TOP6BL: variants seen among roughly 807,000 people sequenced by gnomAD.
The protein encoded by TOP6BL is type 2 DNA topoisomerase 6 subunit B-like.
At chr11:66,761,683 C>T in the TOP6BL span, 25 of 954,924 alleles carry the variant, frequency 2.6e-5, no homozygotes, top group South Asian at 3.5e-4. Context: ...TGTTGTCCAC[C>T]CCTTGGTCCG....
At chr11:66,837,088 T>C in the TOP6BL span, among the ~76,000 whole-genome samples, 1 of 152,124 alleles carries the variant, frequency 6.6e-6, no homozygotes, top group African/African-American at 2.4e-5. Context: ...TTCTTGTGGA[T>C]TGACTTTTCA....
chr11:66,770,565 G>A, the TOP6BL span, among the ~76,000 whole-genome samples: 3 of 152,010 alleles, frequency 2.0e-5, no homozygotes, highest in Non-Finnish European at 4.4e-5. Context: ...TTAGCTAGGC[G>A]TGGTGGCCGG....
At chr11:66,842,833 CTTGT>C in the TOP6BL span, 13 of 1,545,864 alleles carry the variant, frequency 8.4e-6, no homozygotes, top group Non-Finnish European at 8.7e-6. Flanking sequence ...GATGAAGAGG[CTTGT>C]TTTTCTCCTA....
the TOP6BL span, chr11:66,758,302 C>CTTTTTTTTTTTTTTTTTTTCTTTTTTTT: frequency 1.5e-5 from 1 of 67,318 alleles, no homozygotes; most frequent in Non-Finnish European, 2.5e-5. Flanking sequence ...TTTTCTTTTT[C>CTTTTTTTTTTTTTTTTTTTCTTTTTTTT]TTTTTTTTTT....
the TOP6BL span, among the ~76,000 whole-genome samples, chr11:66,823,468 C>T: frequency 5.3e-5 from 8 of 152,244 alleles, no homozygotes; most frequent in African/African-American, 1.9e-4. Context: ...TACCATTTTA[C>T]AAATGAGAAA....
chr11:66,838,299 C>A, the TOP6BL span: 1 of 1,405,058 alleles, frequency 7.1e-7, no homozygotes, highest in Non-Finnish European at 1.0e-6. Flanking sequence ...CCACCAGGCA[C>A]ACTCCTGTTT....
the TOP6BL span, chr11:66,828,677 A>G: frequency 1.5e-4 from 30 of 196,754 alleles, no homozygotes; most frequent in African/African-American, 6.7e-4. Flanking sequence ...GGATAATTTC[A>G]TCTTTAATTT....
At chr11:66,803,104 A>G in the TOP6BL span, among the ~76,000 whole-genome samples, 1 of 152,162 alleles carries the variant, frequency 6.6e-6, no homozygotes, top group Non-Finnish European at 1.5e-5. Flanking sequence ...GTTACTATCA[A>G]ACAGCAACCT....
the TOP6BL span, chr11:66,759,191 C>A: frequency 1.2e-6 from 1 of 830,502 alleles, no homozygotes; most frequent in Non-Finnish European, 1.8e-6. Flanking sequence ...AAAGAGCTGA[C>A]AGATTTATAA....
the TOP6BL span, among the ~76,000 whole-genome samples, chr11:66,772,579 G>A: frequency 6.6e-5 from 10 of 152,210 alleles, no homozygotes; most frequent in South Asian, 2.1e-4. Context: ...GACCAGCCTC[G>A]CCAACATGGC....
chr11:66,796,612 T>G, the TOP6BL span, among the ~76,000 whole-genome samples: 9 of 151,878 alleles, frequency 5.9e-5, no homozygotes, highest in Non-Finnish European at 1.0e-4. Flanking sequence ...AGACTCTGTC[T>G]CTACAAAAAA....
chr11:66,840,288 A>G, the TOP6BL span, among the ~76,000 whole-genome samples: 1 of 152,074 alleles, frequency 6.6e-6, no homozygotes, highest in Non-Finnish European at 1.5e-5. Flanking sequence ...AAATCTACCC[A>G]GTCTCTGCCT....
At chr11:66,796,813 A>G in the TOP6BL span, among the ~76,000 whole-genome samples, 15 of 150,186 alleles carry the variant, frequency 1.0e-4, no homozygotes, top group African/African-American at 2.7e-4. Flanking sequence ...GACAACTTTC[A>G]ACTTTCAATA....
chr11:66,813,996 G>A, the TOP6BL span: 6 of 1,613,498 alleles, frequency 3.7e-6, no homozygotes, highest in South Asian at 6.6e-5. Context: ...TACCCAATTT[G>A]GATCTCAATT....
the TOP6BL span, chr11:66,839,299 A>G: frequency 2.4e-6 from 1 of 419,156 alleles, no homozygotes; most frequent in Non-Finnish European, 4.8e-6. Flanking sequence ...CTCATTTTGC[A>G]TATGAGGAAA....
the TOP6BL span, among the ~76,000 whole-genome samples, chr11:66,787,163 ACCTCAGGTGAT>A: frequency 6.6e-6 from 1 of 151,568 alleles, no homozygotes; most frequent in Admixed American, 6.6e-5. Flanking sequence ...CGAACTCCTG[ACCTCAGGTGAT>A]CCACCCACCT....
the TOP6BL span, among the ~76,000 whole-genome samples, chr11:66,779,207 A>G: frequency 2.0e-5 from 3 of 152,194 alleles, no homozygotes; most frequent in Admixed American, 2.0e-4. Flanking sequence ...AAAAGAAACA[A>G]CCATCAGAGT....
chr11:66,801,819 G>A, the TOP6BL span, among the ~76,000 whole-genome samples: 1 of 152,076 alleles, frequency 6.6e-6, no homozygotes, highest in South Asian at 2.1e-4. Flanking sequence ...GACAGAGCAA[G>A]ACTCTGTCTC....
chr11:66,797,211 G>T, the TOP6BL span, among the ~76,000 whole-genome samples: 1 of 151,730 alleles, frequency 6.6e-6, no homozygotes, highest in African/African-American at 2.4e-5. Context: ...TGTTGGCCAG[G>T]CTGGTCTCAA....
Sources: allele counts gnomAD v4.1 joint callset (sites outside exome capture counted in the v4.1 genomes callset), GRCh38; gene constraint gnomAD v4.1.1; transcripts MANE v1.5; gene names NCBI Gene and HGNC (gene_info 2026-07-23, HGNC 2026-07-21).